NRXN1: variants seen among roughly 807,000 people sequenced by gnomAD.
NRXN1 encodes the protein neurexin 1, also known as neurexin-1.
Under a neutral mutation model 150.9 loss-of-function variants are expected in NRXN1, and 39 were observed. That is an observed-to-expected ratio of 0.26 (90% CI 0.20 to 0.34). The LOEUF is 0.34. Ranked by LOEUF, NRXN1 falls within the 10% of genes least tolerant of loss-of-function variation. The probability of loss-of-function intolerance (pLI) is 1.00; values close to 1 mark genes in which losing one functional copy is unlikely to be tolerated. For missense variants in NRXN1, 1,815 were observed against 1,949.9 expected, an observed-to-expected ratio of 0.93 and a Z score of 1.30; for synonymous variants, 924 against 757.0, an observed-to-expected ratio of 1.22 and a Z score of -3.62.
chr2:50,418,331 G>GT (rs2083708386), intron 17 of NRXN1, among the ~76,000 whole-genome samples: 1 of 151,928 alleles, frequency 6.6e-6, no homozygotes, highest in Non-Finnish European at 1.5e-5. Flanking sequence ...TATAAATGTG[G>GT]TTCAGACTCA....
At chr2:50,291,407 T>G (rs2152944115) in intron 17 of NRXN1, among the ~76,000 whole-genome samples, 1 of 152,268 alleles carries the variant, frequency 6.6e-6, no homozygotes, top group South Asian at 2.1e-4. Flanking sequence ...TCAAAGGGCA[T>G]TTGGGCCAGA....
At chr2:50,016,208 C>A (rs1286646198) in intron 21 of NRXN1, among the ~76,000 whole-genome samples, 1 of 152,024 alleles carries the variant, frequency 6.6e-6, no homozygotes, top group Non-Finnish European at 1.5e-5. Context: ...ACACCAGTTA[C>A]AGGAAACAAG....
At chr2:50,130,642 A>G (rs1011281376) in intron 18 of NRXN1, among the ~76,000 whole-genome samples, 6 of 152,240 alleles carry the variant, frequency 3.9e-5, no homozygotes, top group Non-Finnish European at 7.3e-5. Context: ...CCAAGTATCC[A>G]AAACCAAAAC....
intron 16 of NRXN1, among the ~76,000 whole-genome samples, chr2:50,468,574 G>A (rs1558784020): frequency 6.6e-6 from 1 of 150,914 alleles, no homozygotes; most frequent in African/African-American, 2.4e-5. Context: ...TTTGTATTAA[G>A]TTATTTAAAT....
intron 17 of NRXN1, among the ~76,000 whole-genome samples, chr2:50,295,650 A>T (rs939810157): frequency 6.6e-6 from 1 of 152,212 alleles, no homozygotes; most frequent in Non-Finnish European, 1.5e-5. Flanking sequence ...GTCATTGCTT[A>T]ATTTACCAGA....
At chr2:50,873,435 T>C (rs190105767) in intron 5 of NRXN1, among the ~76,000 whole-genome samples, 2 of 152,004 alleles carry the variant, frequency 1.3e-5, no homozygotes, top group African/African-American at 2.4e-5. Context: ...ATCAATATAA[T>C]AATAGCATTT....
chr2:50,033,506 C>T (rs909469774), intron 21 of NRXN1, among the ~76,000 whole-genome samples: 2 of 152,008 alleles, frequency 1.3e-5, no homozygotes, highest in South Asian at 2.1e-4. Context: ...AAATGTAAAA[C>T]CCCAAACTAC....
chr2:50,142,544 T>G (rs1016794013), intron 18 of NRXN1, among the ~76,000 whole-genome samples: 3 of 151,918 alleles, frequency 2.0e-5, no homozygotes, highest in Admixed American at 6.6e-5. Flanking sequence ...CGTTACACAT[T>G]CTATACATAT....
At chr2:50,888,625 T>C (rs909437907) in intron 5 of NRXN1, among the ~76,000 whole-genome samples, 1 of 151,674 alleles carries the variant, frequency 6.6e-6, no homozygotes, top group African/African-American at 2.4e-5. Context: ...GCAATAACTG[T>C]AATCCACCAT....
At chr2:49,979,020 C>T (rs529101835) in intron 21 of NRXN1, among the ~76,000 whole-genome samples, 5 of 152,134 alleles carry the variant, frequency 3.3e-5, no homozygotes, top group East Asian at 1.9e-4. Flanking sequence ...GGAAGGAGGT[C>T]GGGTGCGGGG....
chr2:50,598,716 G>A (rs1558997232), intron 8 of NRXN1, among the ~76,000 whole-genome samples: 2 of 144,566 alleles, frequency 1.4e-5, no homozygotes, highest in African/African-American at 2.5e-5. Flanking sequence ...ACATATATAT[G>A]TATATATACA....
chr2:50,233,360 C>T (rs554148716), intron 18 of NRXN1, among the ~76,000 whole-genome samples: 525 of 152,014 alleles, frequency 3.5e-3, no homozygotes, highest in Admixed American at 5.4e-3. Context: ...CCATTTTATT[C>T]CAAGTTGTTA....
chr2:50,927,974 G>C (rs1184274219), intron 2 of NRXN1, among the ~76,000 whole-genome samples: 1 of 151,980 alleles, frequency 6.6e-6, no homozygotes, highest in African/African-American at 2.4e-5. Context: ...TATAAAAGGA[G>C]TTCAAGGTCA....
At chr2:50,249,232 T>C (rs1435634417) in intron 17 of NRXN1, among the ~76,000 whole-genome samples, 2 of 151,240 alleles carry the variant, frequency 1.3e-5, no homozygotes, top group Non-Finnish European at 2.9e-5. Context: ...GTGATAATTA[T>C]AGAGGAAGGA....
At chr2:50,211,175 C>A (rs367724428) in intron 18 of NRXN1, among the ~76,000 whole-genome samples, 4 of 151,430 alleles carry the variant, frequency 2.6e-5, no homozygotes, top group Admixed American at 1.3e-4. Flanking sequence ...CCTCTTATAC[C>A]TTATGTAAGA....
intron 17 of NRXN1, among the ~76,000 whole-genome samples, chr2:50,316,741 G>A (rs1360990104): frequency 6.6e-6 from 1 of 151,948 alleles, no homozygotes; most frequent in South Asian, 2.1e-4. Flanking sequence ...TTGATTTAAT[G>A]AGAAATACAA....
At chr2:50,759,018 G>T (rs546126513) in intron 5 of NRXN1, among the ~76,000 whole-genome samples, 9 of 151,690 alleles carry the variant, frequency 5.9e-5, no homozygotes, top group Admixed American at 3.3e-4. Context: ...ATTAACATGG[G>T]GATTATCTTC....
At chr2:50,551,424 T>C (rs1383899427) in intron 9 of NRXN1, 2 of 152,106 alleles carry the variant, frequency 1.3e-5, no homozygotes, top group African/African-American at 4.8e-5. Context: ...AAGAGGGAAG[T>C]AGAAAATAGT....
At chr2:50,512,676 C>T (rs1467090894) in intron 12 of NRXN1, among the ~76,000 whole-genome samples, 2 of 152,178 alleles carry the variant, frequency 1.3e-5, no homozygotes, top group Non-Finnish European at 2.9e-5. Flanking sequence ...TAGGACCTAA[C>T]ATGCATTACC....
Sources: allele counts gnomAD v4.1 joint callset (sites outside exome capture counted in the v4.1 genomes callset), GRCh38; gene constraint gnomAD v4.1.1; transcripts MANE v1.5; gene names NCBI Gene and HGNC (gene_info 2026-07-23, HGNC 2026-07-21).